EGLN2: variants seen among roughly 807,000 people sequenced by gnomAD.
EGLN2 encodes the protein prolyl hydroxylase EGLN2.
Under a neutral mutation model 38.2 loss-of-function variants are expected in EGLN2, and 15 were observed. The ratio of observed to expected loss-of-function variants is 0.39; its 90% CI spans 0.26 to 0.60. EGLN2 has a LOEUF of 0.60. Among genes scored for constraint, EGLN2 ranks in the 20% least tolerant of loss-of-function variants. The probability of loss-of-function intolerance (pLI) is 0.50; values close to 1 mark genes in which losing one functional copy is unlikely to be tolerated. For missense variants in EGLN2, 492 were observed against 570.4 expected, an observed-to-expected ratio of 0.86 and a Z score of 1.40; for synonymous variants, 284 against 237.4, an observed-to-expected ratio of 1.20 and a Z score of -1.81.
intron 2 of EGLN2, 168 bp from the exon 3 acceptor site, chr19:40,806,387 T>G: frequency 7.5e-7 from 1 of 1,334,794 alleles, no homozygotes; most frequent in East Asian, 2.6e-5. Flanking sequence ...GGGGATGGGA[T>G]TTTGGCTGAA....
chr19:40,800,881 G>T lies in EGLN2; in HGVS notation c.309G>T (p.Gly103=). ...GCGCTGCAGCGCTGGTCACCAAGGG[G>T]TGCCAGCGATTGGCAGCCCAGGGCG... ...SEGAAALVTK[G]CQRLAAQGAR... The change falls in exon 2 of 6, where the codon GGG becomes GGT. Residue 103 remains glycine (G), a synonymous_variant. Coordinates refer to ENST00000303961, the MANE Select transcript of EGLN2 (RefSeq NM_080732.4). 6.2e-7 allele frequency: 1 copy of T among 1,611,448 alleles called. No homozygotes were observed. The highest frequency in any genetic ancestry group is 8.5e-7 in the Non-Finnish European group (1 of 1,179,232).
intron 2 of EGLN2, among the ~76,000 whole-genome samples, chr19:40,802,475 C>T (rs2083269399): frequency 6.6e-6 from 1 of 152,332 alleles, no homozygotes; most frequent in African/African-American, 2.4e-5. Flanking sequence ...TTCTTAGTCC[C>T]TTTTTCTTTT....
chr19:40,807,918 T>A lies in EGLN2; in HGVS notation c.*54T>A. On this transcript the variant is annotated 3_prime_UTR_variant, in exon 6 of 6. Transcript: ENST00000303961. ...AGCTTAAATGACTTCAGGAGAGCCC[T>A]GGGCCTGTGCTGGCTGCTCCTTCCC... 1.3e-6 allele frequency: 2 copies of A among 1,569,090 alleles called. No homozygotes were observed. The highest frequency in any genetic ancestry group is 8.8e-7 in the Non-Finnish European group (1 of 1,142,710).
intron 3 of EGLN2, 39 bp downstream of exon 3, chr19:40,806,713 A>AG (rs1456136953): frequency 6.8e-7 from 1 of 1,467,304 alleles, no homozygotes; most frequent in Non-Finnish European, 9.5e-7. Flanking sequence ...CGCTGGGGCT[A>AG]GGGCTGGGGC....
intron 3 of EGLN2, chr19:40,806,880 C>T (rs2083306586): frequency 3.2e-6 from 3 of 928,448 alleles, no homozygotes; most frequent in African/African-American, 3.3e-5. Flanking sequence ...GGGAACTCCC[C>T]TCTTTCCGGG....
chr19:40,802,508 A>G (rs967682761), intron 2 of EGLN2, among the ~76,000 whole-genome samples: 2 of 152,090 alleles, frequency 1.3e-5, no homozygotes, highest in Admixed American at 6.5e-5. Context: ...ATAGTTCTTA[A>G]TGGTATTTTG....
At position 40,801,231 on chromosome 19, in the gene EGLN2, G is replaced by T; in HGVS notation, c.659G>T (p.Arg220Leu). 5 of 1,612,670 alleles carry T rather than the reference G, an allele frequency of 3.1e-6. No individual in the cohort carries two copies. Among genetic ancestry groups the T allele is most frequent in the Non-Finnish European group, 4.2e-6 (5 of 1,179,924 alleles). ...VEALKRGGRL[R>L]DGQLVSQRAI... ...GCCCTCAAACGGGGTGGGCGCCTGC[G>T]AGACGGGCAGCTAGTGAGCCAGAGG... Residue 220 changes from arginine to leucine, a missense_variant, in exon 2 of 6, where the codon CGA (arginine) becomes CTA (leucine). This residue lies in a region of EGLN2 where 378 missense variants were observed against 386.2 expected (regional missense o/e 0.98). Transcript: ENST00000303961.
At chr19:40,806,915 C>A (rs1207545821) in intron 3 of EGLN2, 3 of 926,012 alleles carry the variant, frequency 3.2e-6, no homozygotes, top group Non-Finnish European at 4.8e-6. Context: ...CCCAGCCCCA[C>A]CCGGCCTTGT....
rs1489687107 is a variant in EGLN2, at chr19:40,801,319, C to A, written c.747C>A (p.Gly249=). 1 of 1,612,852 alleles carries A rather than the reference C, an allele frequency of 6.2e-7. No homozygotes were observed. Among genetic ancestry groups the A allele is most frequent in the Non-Finnish European group, 8.5e-7 (1 of 1,180,038 alleles). ...CCTGGGTGGAAGGCCATGAACCAGGCTGTCGAAGCATTGGTGCCCTCATGG... is the reference window on the plus strand; with the variant it reads ...CCTGGGTGGAAGGCCATGAACCAGGATGTCGAAGCATTGGTGCCCTCATGG... ...QIAWVEGHEP[G]CRSIGALMAH... Residue 249 remains glycine, a synonymous_variant, in exon 2 of 6, where the codon GGC becomes GGA. Transcript: ENST00000303961.
At chr19:40,801,553 T>A (rs1599759024) in intron 2 of EGLN2, 138 bp downstream of exon 2, 6 of 1,257,074 alleles carry the variant, frequency 4.8e-6, no homozygotes, top group Non-Finnish European at 6.5e-6. Flanking sequence ...GGAGTGGGTA[T>A]GCTTACTTGT....
chr19:40,801,713 A>C lies in EGLN2; in HGVS notation c.843+298A>C, dbSNP rs1289545994. Reference sequence around the variant, plus strand: ...TTGATCATTCTTGGGTGTTTCTCGCAGAGGGGGATTTGGCAGGGTCACAGG... The same window carrying C: ...TTGATCATTCTTGGGTGTTTCTCGCCGAGGGGGATTTGGCAGGGTCACAGG... On this transcript the variant is annotated intron_variant, in intron 2 of 5. Transcript: ENST00000303961. Among the ~76,000 whole-genome samples the C allele has an allele frequency of 7.2e-5, 9 of 125,188 alleles. 1 individual carries two copies. In the Admixed American group the frequency reaches 8.2e-4, roughly 11 times the overall value. 82.1% of individuals were successfully genotyped at this position (125,188 alleles called of 152,430 possible). A position where few individuals can be genotyped will look rare whatever the true frequency, so the allele number is the denominator to read the frequency against.
intron 4 of EGLN2, 103 bp downstream of exon 4, chr19:40,807,377 C>T: frequency 6.2e-7 from 1 of 1,601,130 alleles, no homozygotes; most frequent in Admixed American, 1.7e-5. Flanking sequence ...TGAGAGGGGG[C>T]CTAGGTGGGA....
In EGLN2 at chr19:40,800,632, T is replaced by A. The variant is rs1407491582; in HGVS notation, c.60T>A (p.Ser20=). The A allele has an allele frequency of 1.2e-6, 2 of 1,613,842 alleles. No individual in the cohort carries two copies. The highest frequency in any genetic ancestry group is 2.2e-5 in the South Asian group (2 of 91,054). Residue 20 remains serine (S), a synonymous_variant, in exon 2 of 6, where the codon TCT becomes TCA. Transcript: ENST00000303961. ...LSQALPQLPG[S]SSEPLEPEPG... ...AGGCTCTCCCTCAGTTACCAGGGTC[T>A]TCGTCAGAGCCCTTGGAGCCTGAGC... is the stretch of plus-strand genomic sequence containing the variant.
Position 40,800,931 on chromosome 19 carries a change from A to T in EGLN2, c.359A>T (p.Lys120Ile). The T allele has an allele frequency of 6.2e-7, 1 of 1,610,204 alleles. No individual in the cohort carries two copies. Among genetic ancestry groups the T allele is most frequent in the Non-Finnish European group, 8.5e-7 (1 of 1,178,680 alleles). ...GCACGGCCTGAGGCCCCCAAACGGA[A>T]ATGGGCCGAGGATGGTGGGGATGCC... Reference protein sequence around the residue: ...QGARPEAPKRKWAEDGGDAPS... With the variant: ...QGARPEAPKRIWAEDGGDAPS... Residue 120 changes from lysine (K) to isoleucine (I), a missense_variant, in exon 2 of 6, where the codon AAA becomes ATA. Around this residue, in one of 2 missense-constraint regions of EGLN2, gnomAD observed 378 missense variants for 386.2 expected, o/e 0.98. Transcript: ENST00000303961.
At chr19:40,803,306 T>G (rs2644916) in intron 2 of EGLN2, 1 of 152,178 alleles carries the variant, frequency 6.6e-6, no homozygotes, top group African/African-American at 2.4e-5. Flanking sequence ...TGGTGCCCAC[T>G]TTCTATGTGG....
chr19:40,807,470 A>G lies in EGLN2; in HGVS notation c.1101-14A>G. The G allele has an allele frequency of 6.2e-7, 1 of 1,614,008 alleles. No individual in the cohort carries two copies. On this transcript the variant is annotated splice_polypyrimidine_tract_variant and intron_variant, in intron 4 of 5. Coordinates refer to ENST00000303961, the MANE Select transcript of EGLN2 (RefSeq NM_080732.4). ...AATTGCAGAAAACTAATGTCCAACC[A>G]CCCTGGTCTCCAGGTACGCCATCAC... is the stretch of plus-strand genomic sequence containing the variant.
chr19:40,806,482 G>A (rs973665908), intron 2 of EGLN2, 73 bp from the exon 3 acceptor site: 1 of 1,594,504 alleles, frequency 6.3e-7, no homozygotes, highest in African/African-American at 1.3e-5. Flanking sequence ...TGGGAAAATA[G>A]GTAATTCATG....
rs1226483906 is a variant in EGLN2 at position 40,808,255 on chromosome 19, C to T, written c.*391C>T. ...TGCTGGCAATGGGGTGGGAGGAGTACCCCCAAGTCCTCTCACTCCTCCAGC... is the reference window on the plus strand; with the variant it reads ...TGCTGGCAATGGGGTGGGAGGAGTATCCCCAAGTCCTCTCACTCCTCCAGC... On this transcript the variant is annotated 3_prime_UTR_variant, in exon 6 of 6. Transcript: ENST00000303961. 9.4e-6 allele frequency: 4 copies of T among 423,802 alleles called. No homozygotes were observed. Among genetic ancestry groups the T allele is most frequent in the Non-Finnish European group, 1.7e-5 (4 of 239,672 alleles). 26.3% of individuals were successfully genotyped at this position (423,802 alleles called of 1,614,324 possible). A position where few individuals can be genotyped will look rare whatever the true frequency, so the allele number is the denominator to read the frequency against.
chr19:40,806,788 C>G (rs1297365874), intron 3 of EGLN2, 114 bp downstream of exon 3: 6 of 1,405,066 alleles, frequency 4.3e-6, no homozygotes, highest in Non-Finnish European at 4.9e-6. Context: ...TCCTGTTTCT[C>G]TTCTCAACAC....
Sources: allele counts gnomAD v4.1 joint callset (sites outside exome capture counted in the v4.1 genomes callset), GRCh38; gene constraint gnomAD v4.1.1; regional missense constraint gnomAD v4.1.1; transcripts MANE v1.5; gene names NCBI Gene and HGNC (gene_info 2026-07-23, HGNC 2026-07-21).